Variants in RASAL2 observed in about 807,000 individuals in gnomAD.
RASAL2 encodes the protein RAS protein activator like 2, also known as ras GTPase-activating protein nGAP.
In RASAL2, 58 loss-of-function variants were observed where a neutral mutation model predicts 128.9. That is an observed-to-expected ratio of 0.45 (90% CI 0.36 to 0.56). The LOEUF (loss-of-function observed/expected upper bound fraction) is 0.56. RASAL2 is among the 20% of genes least tolerant of loss of function. The pLI is 0.00. For synonymous variants in RASAL2, 561 were observed against 580.8 expected, an observed-to-expected ratio of 0.97 and a Z score of 0.49; for missense variants, 1,360 against 1,601.6, an observed-to-expected ratio of 0.85 and a Z score of 2.57.
chr1:178,414,028 A>G (rs961441234), intron 4 of RASAL2, among the ~76,000 whole-genome samples: 1 of 152,210 alleles, frequency 6.6e-6, no homozygotes, highest in African/African-American at 2.4e-5. Context: ...AACCTTAGGT[A>G]CATATTACTA....
At chr1:178,101,349 A>G (rs1427110496) in intron 1 of RASAL2, among the ~76,000 whole-genome samples, 1 of 152,182 alleles carries the variant, frequency 6.6e-6, no homozygotes, top group Non-Finnish European at 1.5e-5. Flanking sequence ...AGTAACATCA[A>G]TTAATTGTCT....
intron 3 of RASAL2, among the ~76,000 whole-genome samples, chr1:178,376,146 C>CA (rs1443787297): frequency 1.3e-5 from 2 of 152,006 alleles, no homozygotes; most frequent in Non-Finnish European, 2.9e-5. Flanking sequence ...AAAAGGTTAA[C>CA]AATGTGGTCA....
At position 178,469,183 on chromosome 1, in the gene RASAL2, GC is replaced by G. The variant is rs1260779291; in HGVS notation, c.3678+1763del. ...ATGGTGGCTCATGCCTGTAGTCCCA[GC>G]TGCTTGGGGGGCTGAGGTGGGAGGA... On this transcript the variant is annotated intron_variant, in intron 17 of 17. Coordinates refer to ENST00000367649, the MANE Select transcript of RASAL2 (RefSeq NM_170692.4). 3.9e-5 allele frequency among the ~76,000 whole-genome samples: 6 copies of G among 152,154 alleles called. No individual in the cohort carries two copies. In the East Asian group the frequency reaches 1.2e-3, roughly 29 times the overall value.
chr1:178,438,405 G>A (rs996476806), intron 5 of RASAL2, among the ~76,000 whole-genome samples: 1 of 151,762 alleles, frequency 6.6e-6, no homozygotes, highest in African/African-American at 2.4e-5. Flanking sequence ...CTTTACACAA[G>A]GCATTTCTTT....
rs1396044740 is a variant in RASAL2 at position 178,439,588 on chromosome 1, T to C, written c.828+13T>C. On this transcript the variant is annotated intron_variant, in intron 6 of 17. Coordinates refer to ENST00000367649, the MANE Select transcript of RASAL2 (RefSeq NM_170692.4). ...CTTCTGCTTTGAGGTAAAAATAAAG[T>C]GTAGAAAAAAGGAAGAGTAGTTAAA... 7 of 1,603,750 alleles carry C rather than the reference T, an allele frequency of 4.4e-6. No individual in the cohort carries two copies. The highest frequency in any genetic ancestry group is 6.0e-6 in the Non-Finnish European group (7 of 1,176,288).
chr1:178,322,613 A>G (rs757567523), intron 3 of RASAL2, among the ~76,000 whole-genome samples: 1 of 152,094 alleles, frequency 6.6e-6, no homozygotes, highest in African/African-American at 2.4e-5. Flanking sequence ...CTAACTTTAC[A>G]TTACTCTTTT....
intron 1 of RASAL2, among the ~76,000 whole-genome samples, chr1:178,197,696 C>A (rs950803061): frequency 1.3e-5 from 2 of 151,216 alleles, no homozygotes; most frequent in Non-Finnish European, 2.9e-5. Context: ...TAGAGAAATT[C>A]TTCTTTTTAA....
intron 3 of RASAL2, among the ~76,000 whole-genome samples, chr1:178,302,932 G>C (rs745580381): frequency 3.3e-5 from 5 of 152,012 alleles, no homozygotes; most frequent in Non-Finnish European, 7.4e-5. Flanking sequence ...CAGGAGAATC[G>C]CTTGAACCCA....
chr1:178,188,118 A>G (rs1270999957), intron 1 of RASAL2, among the ~76,000 whole-genome samples: 1 of 152,156 alleles, frequency 6.6e-6, no homozygotes, highest in Non-Finnish European at 1.5e-5. Context: ...CTTTGCCTTC[A>G]GTCATGAAGT....
At chr1:178,391,696 T>G (rs1428075707) in intron 4 of RASAL2, among the ~76,000 whole-genome samples, 2 of 152,208 alleles carry the variant, frequency 1.3e-5, no homozygotes, top group Admixed American at 6.5e-5. Context: ...TTTGAGATAT[T>G]TAACTTAGAG....
At chr1:178,451,743 ATTTTT>A (rs764405849) in intron 10 of RASAL2, 28 bp downstream of exon 10, 1 of 1,601,116 alleles carries the variant, frequency 6.2e-7, no homozygotes, top group East Asian at 2.2e-5. Flanking sequence ...TCTGCCTTAC[ATTTTT>A]TCATGTAAAG....
chr1:178,222,819 G>T (rs1318026540), intron 1 of RASAL2, among the ~76,000 whole-genome samples: 1 of 151,984 alleles, frequency 6.6e-6, no homozygotes, highest in African/African-American at 2.4e-5. Flanking sequence ...TACTAAATTG[G>T]CATTTCTGGG....
chr1:178,446,104 G>A (rs1230913019), intron 9 of RASAL2, among the ~76,000 whole-genome samples: 1 of 152,194 alleles, frequency 6.6e-6, no homozygotes, highest in Non-Finnish European at 1.5e-5. Context: ...ACAAATTTCT[G>A]CCTTTCTCTA....
intron 4 of RASAL2, among the ~76,000 whole-genome samples, chr1:178,408,316 A>T (rs1001585954): frequency 6.6e-6 from 1 of 152,170 alleles, no homozygotes; most frequent in Admixed American, 6.5e-5. Flanking sequence ...CTGGAACATC[A>T]TTCACACTCT....
intron 1 of RASAL2, among the ~76,000 whole-genome samples, chr1:178,163,250 G>A (rs928659559): frequency 2.0e-5 from 3 of 152,172 alleles, no homozygotes; most frequent in Non-Finnish European, 4.4e-5. Context: ...ACAGGCATGA[G>A]CCCCTGTGTC....
intron 1 of RASAL2, among the ~76,000 whole-genome samples, chr1:178,157,540 G>C (rs1420154726): frequency 6.6e-6 from 1 of 152,150 alleles, no homozygotes; most frequent in African/African-American, 2.4e-5. Flanking sequence ...AAGGCTGCAG[G>C]GAGTTGGGGT....
chr1:178,338,905 T>A (rs374485834), intron 3 of RASAL2, among the ~76,000 whole-genome samples: 1 of 152,206 alleles, frequency 6.6e-6, no homozygotes, highest in African/African-American at 2.4e-5. Context: ...CCAATAAATA[T>A]ATACATGGTA....
intron 3 of RASAL2, among the ~76,000 whole-genome samples, chr1:178,359,966 A>T (rs1274594522): frequency 6.6e-6 from 1 of 152,204 alleles, no homozygotes; most frequent in South Asian, 2.1e-4. Flanking sequence ...GTCCCACAAC[A>T]CATGAGTCTG....
At chr1:178,351,190 G>C (rs781226291) in intron 3 of RASAL2, among the ~76,000 whole-genome samples, 1 of 152,102 alleles carries the variant, frequency 6.6e-6, no homozygotes, top group Non-Finnish European at 1.5e-5. Flanking sequence ...TCCATTTCCC[G>C]CATTAGGGAT....
Sources: gnomAD v4.1 joint callset for allele counts (sites outside exome capture counted in the v4.1 genomes callset) on GRCh38, gnomAD v4.1.1 for gene constraint, MANE v1.5 for transcripts, NCBI Gene and HGNC (gene_info 2026-07-23, HGNC 2026-07-21) for gene names.